The following PGBD5 variants were observed in gnomAD, a reference collection of about 807,000 sequenced individuals.
PGBD5 encodes piggyBac transposable element derived 5.
PGBD5 carries 14 observed loss-of-function variants against 47.9 expected under a neutral mutation model. The observed-to-expected ratio is 0.29, with a 90% CI of 0.19 to 0.46. PGBD5 has a LOEUF of 0.46. PGBD5 is among the 20% of genes least tolerant of loss of function. The pLI, the probability that PGBD5 is intolerant of heterozygous loss-of-function variation, is 1.00. For synonymous variants in PGBD5, 316 were observed against 306.3 expected (o/e 1.03, Z -0.33); for missense variants, 635 against 716.0 (o/e 0.89, Z 1.29).
chr1:230,419,156 C>G (rs149836652), intron 1 of PGBD5, among the ~76,000 whole-genome samples: 1 of 152,282 alleles, frequency 6.6e-6, no homozygotes, highest in East Asian at 1.9e-4. Context: ...CAGAATCAAC[C>G]CAGGTGCCCA....
chr1:230,324,903 T>C (rs527902316), intron 6 of PGBD5, among the ~76,000 whole-genome samples: 3 of 152,032 alleles, frequency 2.0e-5, no homozygotes, highest in Non-Finnish European at 4.4e-5. Context: ...TGACTTGGGG[T>C]AGAAGTGCCC....
At chr1:230,358,959 A>G (rs1348711469) in intron 1 of PGBD5, among the ~76,000 whole-genome samples, 1 of 152,228 alleles carries the variant, frequency 6.6e-6, no homozygotes, top group African/African-American at 2.4e-5. Context: ...ATATATTTTT[A>G]AAGAGCTATG....
intron 1 of PGBD5, among the ~76,000 whole-genome samples, chr1:230,395,059 TCTCA>T (rs1195823733): frequency 2.3e-5 from 1 of 44,300 alleles, no homozygotes; most frequent in Admixed American, 2.8e-4. Flanking sequence ...AGAGCTCCTC[TCTCA>T]CTCCCTCCTC....
chr1:230,407,168 A>C (rs74146016), intron 1 of PGBD5, among the ~76,000 whole-genome samples: 122 of 152,348 alleles, frequency 8.0e-4, no homozygotes, highest in African/African-American at 2.9e-3. Flanking sequence ...GGACTAAAAA[A>C]GAATATTCAG....
chr1:230,424,414 G>C (rs1301273650), intron 1 of PGBD5, among the ~76,000 whole-genome samples: 3 of 152,200 alleles, frequency 2.0e-5, no homozygotes, highest in Non-Finnish European at 2.9e-5. Context: ...CCCAGCTTTA[G>C]CTCCGCGCAT....
At chr1:230,333,167 G>A (rs375441345) in intron 4 of PGBD5, 126 bp from the exon 5 acceptor site, 8 of 975,546 alleles carry the variant, frequency 8.2e-6, no homozygotes, top group South Asian at 4.9e-5. Context: ...TTGGGAGTCA[G>A]ACCCTCTAGA....
intron 1 of PGBD5, among the ~76,000 whole-genome samples, chr1:230,399,879 T>A (rs1223331538): frequency 4.6e-5 from 7 of 152,364 alleles, no homozygotes; most frequent in South Asian, 2.1e-4. Context: ...GTCAGGAATC[T>A]GAAGGCGTCT....
rs1441459877 is a variant in PGBD5, at chr1:230,393,060, T to TAGGAAGGGGAAGGTGGAGG, written c.331+32537_331+32538insCCTCCACCTTCCCCTTCCT. 1.9e-4 allele frequency among the ~76,000 whole-genome samples: 21 copies of TAGGAAGGGGAAGGTGGAGG among 111,276 alleles called. No individual in the cohort carries two copies. In the East Asian group the frequency reaches 5.4e-3, roughly 29 times the overall value. 73.0% of individuals were successfully genotyped at this position (111,276 alleles called of 152,430 possible). A position where few individuals can be genotyped will look rare whatever the true frequency, so the allele number is the denominator to read the frequency against. Reference sequence around the variant, plus strand: ...GAAAGGAAGGAAAAGAGGAGAGGGATAGGAAGGGGAAGGCGGAGGAGGAAG... The same window carrying TAGGAAGGGGAAGGTGGAGG: ...GAAAGGAAGGAAAAGAGGAGAGGGATAGGAAGGGGAAGGTGGAGGAGGAAGGGGAAGGCGGAGGAGGAAG... On this transcript the variant is annotated intron_variant, in intron 1 of 6. Coordinates refer to ENST00000391860, the MANE Select transcript of PGBD5 (RefSeq NM_001258311.2).
intron 1 of PGBD5, among the ~76,000 whole-genome samples, chr1:230,369,133 G>A (rs914654586): frequency 6.6e-6 from 1 of 152,232 alleles, no homozygotes; most frequent in African/African-American, 2.4e-5. Context: ...CAAAGGTTCT[G>A]GCTCTTTCCA....
At chr1:230,386,432 C>T (rs1341973) in intron 1 of PGBD5, among the ~76,000 whole-genome samples, 54,655 of 152,024 alleles carry the variant, frequency 0.36, 10,690 homozygotes, top group Non-Finnish European at 0.44. Flanking sequence ...AATGTCTCTG[C>T]CTCTCTGTCT....
intron 1 of PGBD5, among the ~76,000 whole-genome samples, chr1:230,392,955 A>G (rs1364602180): frequency 1.3e-5 from 2 of 151,440 alleles, no homozygotes; most frequent in African/African-American, 4.9e-5. Context: ...AGGGAGAGGC[A>G]CAGGAAGGGG....
At position 230,323,106 on chromosome 1, in the gene PGBD5, C is replaced by T; in HGVS notation, c.*319G>A. The T allele has an allele frequency of 3.2e-6, 1 of 313,616 alleles. No homozygotes were observed. The highest frequency in any genetic ancestry group is 5.5e-5 in the South Asian group (1 of 18,030). The allele number at this position is 313,616 out of a possible 1,614,324, so 19.4% of individuals were successfully genotyped here. A position where few individuals can be genotyped will look rare whatever the true frequency, so the allele number is the denominator to read the frequency against. Reference sequence around the variant, plus strand: ...CAGCTCATTCTACCACGGGGGCCTTCCTTCACAGTCACCAGTCCACGCTGC... The same window carrying T: ...CAGCTCATTCTACCACGGGGGCCTTTCTTCACAGTCACCAGTCCACGCTGC... On this transcript the variant is annotated 3_prime_UTR_variant, in exon 7 of 7. Transcript: ENST00000391860. This position sits in a 1 kb window ranked among gnomAD's most constrained non-coding sequence, Gnocchi z 4.1.
chr1:230,412,348 A>G (rs1294182370), intron 1 of PGBD5, among the ~76,000 whole-genome samples: 1 of 143,638 alleles, frequency 7.0e-6, no homozygotes, highest in African/African-American at 2.6e-5. Context: ...GAAAAAACAT[A>G]TTTTCTATTC....
At chr1:230,351,141 T>C in intron 2 of PGBD5, 49 bp from the exon 3 acceptor site, 1 of 1,566,896 alleles carries the variant, frequency 6.4e-7, no homozygotes. Flanking sequence ...AGCATGAGCT[T>C]GAGGGCTCAT....
chr1:230,332,776 C>T (rs1667241204), intron 5 of PGBD5, 68 bp downstream of exon 5: 11 of 1,571,110 alleles, frequency 7.0e-6, no homozygotes, highest in Non-Finnish European at 8.7e-6. Flanking sequence ...TCCACCGCAG[C>T]GGTGGGCTCG....
intron 2 of PGBD5, among the ~76,000 whole-genome samples, chr1:230,351,578 T>C (rs1378442155): frequency 1.3e-5 from 2 of 152,196 alleles, no homozygotes; most frequent in South Asian, 2.1e-4. Flanking sequence ...AACCTAGGGA[T>C]GTGACTTCTG....
At chr1:230,401,518 C>G (rs1657138749) in intron 1 of PGBD5, among the ~76,000 whole-genome samples, 1 of 152,164 alleles carries the variant, frequency 6.6e-6, no homozygotes, top group Non-Finnish European at 1.5e-5. Context: ...TTGAGCAGAT[C>G]CTTGTCCTAT....
At chr1:230,326,289 G>T (rs558359086) in intron 5 of PGBD5, among the ~76,000 whole-genome samples, 7 of 152,130 alleles carry the variant, frequency 4.6e-5, no homozygotes, top group African/African-American at 1.4e-4. Context: ...ACGGTGGCAG[G>T]CGCCTGTAAT....
At position 230,353,625 on chromosome 1, in the gene PGBD5, G is replaced by A. The variant is rs141709183; in HGVS notation, c.760-2533C>T. On this transcript the variant is annotated intron_variant, in intron 2 of 6. Transcript: ENST00000391860. Reference sequence around the variant, plus strand: ...TTGGAGTGCAGCCCTGAAGGATGGTGTAAGGGACGGGTGCAGAGTGATTCC... The same window carrying A: ...TTGGAGTGCAGCCCTGAAGGATGGTATAAGGGACGGGTGCAGAGTGATTCC... Among the ~76,000 whole-genome samples the A allele has an allele frequency of 1.1e-3, 168 of 152,268 alleles. 1 individual carries two copies. The highest frequency in any genetic ancestry group is 3.9e-3 in the African/African-American group (164 of 41,556).
Sources: allele counts gnomAD v4.1 joint callset (sites outside exome capture counted in the v4.1 genomes callset), GRCh38; gene constraint gnomAD v4.1.1; non-coding constraint Gnocchi (gnomAD v3.1); transcripts MANE v1.5; gene names NCBI Gene and HGNC (gene_info 2026-07-23, HGNC 2026-07-21).